Variants in ARHGAP39 observed in about 807,000 individuals in gnomAD.
The protein encoded by ARHGAP39 is Rho GTPase activating protein 39.
ARHGAP39 carries 44 observed loss-of-function variants against 106.9 expected under a neutral mutation model. The ratio of observed to expected loss-of-function variants is 0.41; its 90% CI spans 0.32 to 0.53. The LOEUF is 0.53. Ranked by LOEUF, ARHGAP39 falls within the 20% of genes least tolerant of loss-of-function variation. ARHGAP39 has a pLI of 0.21. For synonymous variants in ARHGAP39, 768 were observed against 693.2 expected, an observed-to-expected ratio of 1.11 and a Z score of -1.69; for missense variants, 1,496 against 1,577.3, an observed-to-expected ratio of 0.95 and a Z score of 0.87.
At chr8:144,632,033 T>G (rs973396146) in intron 1 of ARHGAP39, among the ~76,000 whole-genome samples, 5 of 152,084 alleles carry the variant, frequency 3.3e-5, no homozygotes, top group African/African-American at 1.2e-4. Flanking sequence ...GTGAGCCCCC[T>G]TGCCACCGCC....
chr8:144,567,389 G>T (rs1186979838), intron 3 of ARHGAP39, among the ~76,000 whole-genome samples: 1 of 152,222 alleles, frequency 6.6e-6, no homozygotes, highest in Non-Finnish European at 1.5e-5. Flanking sequence ...TAGCGGTAAC[G>T]CCAGCGTCTG....
At chr8:144,652,128 C>T (rs564921028) in intron 1 of ARHGAP39, among the ~76,000 whole-genome samples, 2 of 151,994 alleles carry the variant, frequency 1.3e-5, no homozygotes, top group South Asian at 4.1e-4. Context: ...AGTAAACAGG[C>T]AACCTATAGA....
intron 1 of ARHGAP39, among the ~76,000 whole-genome samples, chr8:144,654,625 T>C (rs1310570006): frequency 6.6e-6 from 1 of 152,130 alleles, no homozygotes; most frequent in Non-Finnish European, 1.5e-5. Context: ...TCCATGGAGC[T>C]GGCAGGAGCC....
At chr8:144,587,077 C>T (rs1049110232) in intron 2 of ARHGAP39, among the ~76,000 whole-genome samples, 8 of 152,228 alleles carry the variant, frequency 5.3e-5, no homozygotes, top group African/African-American at 1.9e-4. Context: ...TCTTCTGTCT[C>T]CTGCCACCAT....
intron 7 of ARHGAP39, among the ~76,000 whole-genome samples, chr8:144,534,704 C>T (rs116511806): frequency 2.5e-3 from 388 of 152,362 alleles, no homozygotes; most frequent in African/African-American, 8.6e-3. Context: ...AGCTCTGCTG[C>T]AGCCCTGGGC....
chr8:144,686,157 T>C (rs1822585698), upstream of ARHGAP39, among the ~76,000 whole-genome samples: 1 of 152,058 alleles, frequency 6.6e-6, no homozygotes, highest in African/African-American at 2.4e-5. Context: ...TGGTGTAATT[T>C]TGCCCTCTCA....
chr8:144,681,767 T>G (rs1055849772), intron 1 of ARHGAP39, among the ~76,000 whole-genome samples: 4 of 152,188 alleles, frequency 2.6e-5, no homozygotes, highest in African/African-American at 9.7e-5. Flanking sequence ...ACATTAAATA[T>G]TCTCACTTTA....
intron 3 of ARHGAP39, among the ~76,000 whole-genome samples, chr8:144,573,491 G>A (rs1479938015): frequency 6.6e-6 from 1 of 152,080 alleles, no homozygotes; most frequent in South Asian, 2.1e-4. Flanking sequence ...AGCGTTAGGA[G>A]AAATACCTAA....
intron 1 of ARHGAP39, among the ~76,000 whole-genome samples, chr8:144,676,768 G>A (rs926309778): frequency 2.6e-5 from 4 of 152,358 alleles, no homozygotes; most frequent in South Asian, 2.1e-4. Flanking sequence ...ACCTCTCTGC[G>A]AGCAGAGGGA....
At position 144,547,014 on chromosome 8, in the gene ARHGAP39, G is replaced by C; in HGVS notation, c.1959+113C>G. On this transcript the variant is annotated intron_variant, in intron 5 of 11. Transcript: ENST00000377307. This position sits in a 1 kb window ranked among gnomAD's most constrained non-coding sequence, Gnocchi z 5.2. ...CGGAGACACGGGGCTTCAGAACTCT[G>C]CGTGCTGCGTGCACGCCCTGGACGC... is the stretch of plus-strand genomic sequence containing the variant. The C allele has an allele frequency of 7.6e-7, 1 of 1,310,004 alleles. No individual in the cohort carries two copies. 81.1% of individuals were successfully genotyped at this position (1,310,004 alleles called of 1,614,324 possible).
the ARHGAP39 span, among the ~76,000 whole-genome samples, chr8:144,700,050 G>A: frequency 6.6e-6 from 1 of 152,188 alleles, no homozygotes; most frequent in Admixed American, 6.5e-5. This position sits in a 1 kb window ranked among gnomAD's most constrained non-coding sequence, Gnocchi z 5.6. Context: ...TTTCCCGAGG[G>A]TCTCAGGCGT....
chr8:144,697,315 CAAA>C, the ARHGAP39 span, among the ~76,000 whole-genome samples: 136 of 119,116 alleles, frequency 1.1e-3, 2 homozygotes, highest in African/African-American at 3.7e-3. Flanking sequence ...AGATCCCTCT[CAAA>C]AAAAAAAAAA....
chr8:144,668,972 C>T (rs1360966700), intron 1 of ARHGAP39, among the ~76,000 whole-genome samples: 2 of 152,030 alleles, frequency 1.3e-5, no homozygotes, highest in African/African-American at 4.8e-5. Context: ...GACAGATACA[C>T]AGGACAACAG....
chr8:144,658,966 G>A (rs1445708275), intron 1 of ARHGAP39, among the ~76,000 whole-genome samples: 1 of 152,072 alleles, frequency 6.6e-6, no homozygotes, highest in East Asian at 1.9e-4. Flanking sequence ...ACATTTAAGA[G>A]GACCTGAATC....
At position 144,670,670 on chromosome 8, in the gene ARHGAP39, C is replaced by A. The variant is rs550692505; in HGVS notation, c.-82+15016G>T. Reference sequence around the variant, plus strand: ...TGCCACATGAGCTGATCCCCACCATCTTCTCCTGCAGGCCCCAGACTCAAT... The same window carrying A: ...TGCCACATGAGCTGATCCCCACCATATTCTCCTGCAGGCCCCAGACTCAAT... On this transcript the variant is annotated intron_variant, in intron 1 of 11. Transcript: ENST00000377307. The surrounding 1 kb of genome is among the most constrained non-coding windows in gnomAD (Gnocchi z 4.4). 7.6e-4 allele frequency among the ~76,000 whole-genome samples: 116 copies of A among 152,276 alleles called. No homozygotes were observed. The highest frequency in any genetic ancestry group is 2.5e-3 in the African/African-American group (104 of 41,544).
At chr8:144,653,642 C>G (rs1425207985) in intron 1 of ARHGAP39, among the ~76,000 whole-genome samples, 7 of 152,222 alleles carry the variant, frequency 4.6e-5, no homozygotes, top group African/African-American at 1.7e-4. Flanking sequence ...GAAAACTGAT[C>G]TAGAAAAATC....
chr8:144,664,803 A>G (rs1472763081), intron 1 of ARHGAP39, among the ~76,000 whole-genome samples: 1 of 152,206 alleles, frequency 6.6e-6, no homozygotes, highest in Non-Finnish European at 1.5e-5. Flanking sequence ...ACCATGTGGA[A>G]CTGTAAGTCC....
chr8:144,659,626 T>C (rs1225276752), intron 1 of ARHGAP39, among the ~76,000 whole-genome samples: 1 of 152,210 alleles, frequency 6.6e-6, no homozygotes, highest in Non-Finnish European at 1.5e-5. Flanking sequence ...TCATGGGACC[T>C]AAACAAAGCA....
intron 6 of ARHGAP39, among the ~76,000 whole-genome samples, chr8:144,544,567 T>G (rs732843): frequency 0.11 from 16,563 of 152,302 alleles, 2,928 homozygotes; most frequent in African/African-American, 0.37. Flanking sequence ...GGTGGAGAGC[T>G]GCTTGCTGCA....
Sources: gnomAD v4.1 joint callset for allele counts (sites outside exome capture counted in the v4.1 genomes callset) on GRCh38, gnomAD v4.1.1 for gene constraint, Gnocchi (gnomAD v3.1) non-coding constraint, MANE v1.5 for transcripts, NCBI Gene and HGNC (gene_info 2026-07-23, HGNC 2026-07-21) for gene names.